Variants in CD86 observed in about 807,000 individuals in gnomAD.
The protein encoded by CD86 is CD86 molecule, also known as T-lymphocyte activation antigen CD86.
In CD86, 11 loss-of-function variants were observed where a neutral mutation model predicts 32.1. The ratio of observed to expected loss-of-function variants is 0.34; its 90% CI spans 0.22 to 0.57. The LOEUF (loss-of-function observed/expected upper bound fraction) is 0.57. CD86 is among the 20% of genes least tolerant of loss of function. CD86 has a pLI of 0.86. For missense variants in CD86, 359 were observed against 398.4 expected (o/e 0.90, Z 0.84); for synonymous variants, 137 against 135.3 (o/e 1.01, Z -0.09).
intron 1 of CD86, among the ~76,000 whole-genome samples, chr3:122,064,492 G>C (rs1559896651): frequency 2.0e-5 from 3 of 152,070 alleles, no homozygotes; most frequent in Non-Finnish European, 2.9e-5. Context: ...AGTGATGCAG[G>C]CCTGTGGTTT....
At chr3:122,091,038 G>A (rs979370650) in intron 1 of CD86, among the ~76,000 whole-genome samples, 9 of 152,170 alleles carry the variant, frequency 5.9e-5, no homozygotes, top group Admixed American at 2.0e-4. Context: ...ATTTCTAAGC[G>A]TAAATGCAAT....
chr3:122,060,142 G>A (rs2107497026), intron 1 of CD86, among the ~76,000 whole-genome samples: 1 of 152,298 alleles, frequency 6.6e-6, no homozygotes, highest in Middle Eastern at 3.4e-3. Flanking sequence ...TCAGGGAGGA[G>A]GGAAAGAAAC....
chr3:122,096,235 T>A (rs1229134588), intron 2 of CD86, among the ~76,000 whole-genome samples: 1 of 152,154 alleles, frequency 6.6e-6, no homozygotes, highest in Non-Finnish European at 1.5e-5. Context: ...CTGGCTAGTT[T>A]TTTTTGTTGT....
intron 5 of CD86, among the ~76,000 whole-genome samples, chr3:122,112,407 C>T (rs1021140416): frequency 6.6e-6 from 1 of 152,032 alleles, no homozygotes; most frequent in Non-Finnish European, 1.5e-5. Context: ...ACCTCTGCCT[C>T]CCAGGTTCAA....
chr3:122,102,124 T>C (rs2107536785), intron 2 of CD86, among the ~76,000 whole-genome samples: 1 of 152,270 alleles, frequency 6.6e-6, no homozygotes, highest in African/African-American at 2.4e-5. Flanking sequence ...CAAGTGCATG[T>C]CACTGTTATC....
chr3:122,111,852 T>C (rs1355142807), intron 5 of CD86, among the ~76,000 whole-genome samples: 1 of 152,186 alleles, frequency 6.6e-6, no homozygotes, highest in Non-Finnish European at 1.5e-5. Flanking sequence ...GAGGAGACGG[T>C]CCTCAAACTA....
rs564643179 is a variant in CD86 at position 122,105,129 on chromosome 3, G to A, written c.401-1069G>A. Among the ~76,000 whole-genome samples, 8 of 152,208 alleles carry A rather than the reference G, an allele frequency of 5.3e-5. No individual in the cohort carries two copies. The South Asian group carries it at 6.2e-4, about 12-fold the overall frequency. ...GAATAGTTAACCAAGTGCTAAATCC[G>A]TGTTTTCAAAATGTGGTCAGGTACC... On this transcript the variant is annotated intron_variant, in intron 3 of 6. Transcript: ENST00000330540.
chr3:122,106,183 C>T lies in CD86; in HGVS notation c.401-15C>T, dbSNP rs1216126986. 1.1e-5 allele frequency: 17 copies of T among 1,560,862 alleles called. No homozygotes were observed. Among genetic ancestry groups the T allele is most frequent in the Middle Eastern group, 1.9e-4 (1 of 5,218 alleles). On this transcript the variant is annotated splice_polypyrimidine_tract_variant and intron_variant, in intron 3 of 6. Transcript: ENST00000330540. ...AACTTAGATTGATTTTTTTTTATCT[C>T]TCTTCTGCTTTCAGCTAACTTCAGT... is the stretch of plus-strand genomic sequence containing the variant.
intron 1 of CD86, among the ~76,000 whole-genome samples, chr3:122,085,902 C>T (rs1459345838): frequency 1.3e-5 from 2 of 152,146 alleles, no homozygotes; most frequent in South Asian, 2.1e-4. Context: ...AAGTATGAAT[C>T]GGCAGAAGGC....
At chr3:122,062,774 A>G (rs900752890) in intron 1 of CD86, among the ~76,000 whole-genome samples, 4 of 152,208 alleles carry the variant, frequency 2.6e-5, no homozygotes, top group African/African-American at 9.7e-5. Context: ...GCACTTGCCA[A>G]TGCCATGAGG....
intron 1 of CD86, among the ~76,000 whole-genome samples, 171 bp downstream of exon 1, chr3:122,055,674 G>A (rs1022910257): frequency 6.6e-6 from 1 of 152,200 alleles, no homozygotes. Context: ...TATTTGCAAT[G>A]CCCAAAGCAG....
At chr3:122,083,901 T>C (rs2072674402) in intron 1 of CD86, among the ~76,000 whole-genome samples, 1 of 152,250 alleles carries the variant, frequency 6.6e-6, no homozygotes, top group Non-Finnish European at 1.5e-5. Context: ...GTCATTAAAA[T>C]TAATGTCACC....
chr3:122,112,083 C>A (rs2073182414), intron 5 of CD86, among the ~76,000 whole-genome samples: 1 of 152,120 alleles, frequency 6.6e-6, no homozygotes, highest in Non-Finnish European at 1.5e-5. Flanking sequence ...TTTTCCCAAA[C>A]AGAAATCACC....
Position 122,103,495 on chromosome 3 carries a change from T to C in CD86, c.65-17T>C, listed in dbSNP as rs1331275835. The C allele has an allele frequency of 1.3e-6, 2 of 1,579,972 alleles. No individual in the cohort carries two copies. Among genetic ancestry groups the C allele is most frequent in the African/African-American group, 1.4e-5 (1 of 73,872 alleles). ...CCTCTTGTTTCTCCCTCCCTAATCC[T>C]TAACCTTCTTTTTTAGGTGCTGCTC... On this transcript the variant is annotated splice_polypyrimidine_tract_variant and intron_variant, in intron 2 of 6. Coordinates refer to ENST00000330540, the MANE Select transcript of CD86 (RefSeq NM_175862.5).
rs2073317193 is a variant in CD86, at chr3:122,119,932, G to GC, written c.*402dup. ...TATCTGCCCAGAATTCTAAGCTGGTGCCCCACTGAATTTTGTGTGTACCTG... is the reference window on the plus strand; with the variant it reads ...TATCTGCCCAGAATTCTAAGCTGGTGCCCCCACTGAATTTTGTGTGTACCTG... On this transcript the variant is annotated 3_prime_UTR_variant, in exon 7 of 7. Transcript: ENST00000330540. 1 of 38,860 alleles carries GC rather than the reference G, an allele frequency of 2.6e-5. No homozygotes were observed. The highest frequency in any genetic ancestry group is 2.4e-4 in the African/African-American group (1 of 4,202). The allele number at this position is 38,860 out of a possible 1,614,324, so 2.4% of individuals were successfully genotyped here. A position where few individuals can be genotyped will look rare whatever the true frequency, so the allele number is the denominator to read the frequency against.
intron 1 of CD86, among the ~76,000 whole-genome samples, chr3:122,056,936 T>A (rs1044283336): frequency 6.6e-6 from 1 of 152,216 alleles, no homozygotes; most frequent in African/African-American, 2.4e-5. Context: ...TTGTTAAGAT[T>A]CCTTTTGTTT....
At chr3:122,071,483 T>A (rs2107507494) in intron 1 of CD86, among the ~76,000 whole-genome samples, 1 of 152,316 alleles carries the variant, frequency 6.6e-6, no homozygotes, top group South Asian at 2.1e-4. Flanking sequence ...TATTACCACA[T>A]AATATTCCAT....
chr3:122,091,745 A>T, intron 2 of CD86, 95 bp downstream of exon 2: 1 of 980,938 alleles, frequency 1.0e-6, no homozygotes, highest in East Asian at 2.4e-5. Flanking sequence ...GGTGGGTTTT[A>T]CTCACTTTCT....
At chr3:122,059,924 A>G (rs1006929365) in intron 1 of CD86, among the ~76,000 whole-genome samples, 2 of 152,146 alleles carry the variant, frequency 1.3e-5, no homozygotes, top group African/African-American at 4.8e-5. Context: ...CCAGAGAGAA[A>G]GGCTCGCAAC....
Sources: allele counts gnomAD v4.1 joint callset (sites outside exome capture counted in the v4.1 genomes callset), GRCh38; gene constraint gnomAD v4.1.1; transcripts MANE v1.5; gene names NCBI Gene and HGNC (gene_info 2026-07-23, HGNC 2026-07-21).